RAD51B: variants seen among roughly 807,000 people sequenced by gnomAD.
The protein encoded by RAD51B is DNA repair protein RAD51 homolog 2.
A neutral mutation model predicts 42.2 loss-of-function variants in RAD51B; 38 were observed. That is an observed-to-expected ratio of 0.90 (90% CI 0.70 to 1.18). RAD51B has a LOEUF of 1.18. Among genes scored for constraint, RAD51B ranks in the 50% most tolerant of loss-of-function variants. The pLI is 0.00. For missense variants in RAD51B, 373 were observed against 400.7 expected, an observed-to-expected ratio of 0.93 and a Z score of 0.59; for synonymous variants, 154 against 145.2, an observed-to-expected ratio of 1.06 and a Z score of -0.43.
At position 68,385,549 on chromosome 14, in the gene RAD51B, A is replaced by G. The variant is rs187764577; in HGVS notation, c.854-25875A>G. Among the ~76,000 whole-genome samples, 10 of 152,332 alleles carry G rather than the reference A, an allele frequency of 6.6e-5. No homozygotes were observed. The East Asian group carries it at 7.7e-4, about 12-fold the overall frequency. On this transcript the variant is annotated intron_variant, in intron 8 of 10. Transcript: ENST00000471583. ...GAGGCCTAATTTGTCCCCCAAGACT[A>G]TACGAGAAGGGCAGTCTTACTTCTG...
intron 11 of RAD51B, among the ~76,000 whole-genome samples, chr14:68,669,700 T>C (rs895925831): frequency 6.6e-6 from 1 of 151,938 alleles, no homozygotes; most frequent in African/African-American, 2.4e-5. Flanking sequence ...ATCACATTTG[T>C]AGCAGAGCCC....
At chr14:68,638,672 A>G (rs1298571426) in intron 10 of RAD51B, among the ~76,000 whole-genome samples, 3 of 152,110 alleles carry the variant, frequency 2.0e-5, no homozygotes, top group African/African-American at 7.2e-5. Flanking sequence ...TTGTGCTCAG[A>G]GAGCTGACGG....
At chr14:68,560,767 A>G (rs1889105141) in intron 10 of RAD51B, among the ~76,000 whole-genome samples, 1 of 151,904 alleles carries the variant, frequency 6.6e-6, no homozygotes, top group Non-Finnish European at 1.5e-5. Context: ...AGAAGCACTG[A>G]CCTGGCCTCC....
In RAD51B at chr14:68,324,137, A is replaced by C. The variant is rs752007486; in HGVS notation, c.853+32157A>C. On this transcript the variant is annotated intron_variant, in intron 8 of 10. Transcript: ENST00000471583. ...AATTTATTTTATAAGTGCCTGGCATATTAATAAATGGTATGTAGTTTACTT... is the reference window on the plus strand; with the variant it reads ...AATTTATTTTATAAGTGCCTGGCATCTTAATAAATGGTATGTAGTTTACTT... 7.8e-4 allele frequency among the ~76,000 whole-genome samples: 119 copies of C among 152,366 alleles called. 1 individual carries two copies. The highest frequency in any genetic ancestry group is 3.4e-3 in the Middle Eastern group (1 of 294).
intron 7 of RAD51B, among the ~76,000 whole-genome samples, chr14:68,046,847 T>C (rs2076308262): frequency 2.6e-5 from 4 of 152,196 alleles, no homozygotes; most frequent in Admixed American, 2.6e-4. Flanking sequence ...TTTAAGCTCA[T>C]TGGATGAAGG....
chr14:68,215,771 C>T (rs2079802664), intron 7 of RAD51B, among the ~76,000 whole-genome samples: 1 of 152,184 alleles, frequency 6.6e-6, no homozygotes, highest in South Asian at 2.1e-4. Flanking sequence ...CCTGTAGCTG[C>T]TTCACTGGTT....
Position 68,661,706 on chromosome 14 carries a change from C to A in RAD51B, c.*11+10850C>A, listed in dbSNP as rs1892937258. 2.6e-5 allele frequency among the ~76,000 whole-genome samples: 4 copies of A among 152,212 alleles called. No homozygotes were observed. In the South Asian group the frequency reaches 8.3e-4, roughly 32 times the overall value. ...CAGGCATTGGAATTCAACAGAGATC[C>A]TTTGAGACAACACGCCCTCCTTTTC... is the stretch of plus-strand genomic sequence containing the variant. On this transcript the variant is annotated intron_variant, in intron 11 of 11. Coordinates refer to the RAD51B transcript ENST00000488612.
intron 8 of RAD51B, among the ~76,000 whole-genome samples, chr14:68,305,943 T>A (rs2081851319): frequency 6.6e-6 from 1 of 152,170 alleles, no homozygotes; most frequent in African/African-American, 2.4e-5. Flanking sequence ...TGAAGTAAAA[T>A]GCTGCTTGGT....
intron 9 of RAD51B, among the ~76,000 whole-genome samples, chr14:68,427,364 T>C (rs1030000107): frequency 1.3e-5 from 2 of 152,116 alleles, no homozygotes; most frequent in Admixed American, 1.3e-4. Flanking sequence ...GACTAACCCG[T>C]AAGAGCTGCT....
At chr14:67,980,352 G>A (rs1029281632) in intron 7 of RAD51B, among the ~76,000 whole-genome samples, 1 of 152,336 alleles carries the variant, frequency 6.6e-6, no homozygotes, top group East Asian at 1.9e-4. Flanking sequence ...GCTGAGGCAG[G>A]AGAATCTCTT....
At chr14:67,996,259 A>G (rs2140301521) in intron 7 of RAD51B, among the ~76,000 whole-genome samples, 1 of 151,706 alleles carries the variant, frequency 6.6e-6, no homozygotes, top group Non-Finnish European at 1.5e-5. Flanking sequence ...AGCTGGGTGT[A>G]ATGGTGTGCC....
At chr14:68,043,478 A>G (rs1468168352) in intron 7 of RAD51B, among the ~76,000 whole-genome samples, 4 of 152,180 alleles carry the variant, frequency 2.6e-5, no homozygotes, top group Admixed American at 6.5e-5. Flanking sequence ...GAGATTTACA[A>G]TTTTTAAGTA....
intron 8 of RAD51B, among the ~76,000 whole-genome samples, chr14:68,389,477 C>T (rs1433590010): frequency 6.6e-6 from 1 of 152,178 alleles, no homozygotes; most frequent in Non-Finnish European, 1.5e-5. Flanking sequence ...ATATAGATAG[C>T]TCCCAAGAAG....
chr14:68,325,367 G>C (rs1162546621), intron 8 of RAD51B, among the ~76,000 whole-genome samples: 1 of 152,106 alleles, frequency 6.6e-6, no homozygotes, highest in African/African-American at 2.4e-5. Context: ...AAGAAATTAA[G>C]TTTCTCTAGG....
chr14:68,008,836 C>G (rs1218355712), intron 7 of RAD51B, among the ~76,000 whole-genome samples: 1 of 151,644 alleles, frequency 6.6e-6, no homozygotes, highest in Non-Finnish European at 1.5e-5. Context: ...CACTAGTTCA[C>G]TTTACATCTG....
chr14:68,109,378 C>T (rs912960419), intron 7 of RAD51B, among the ~76,000 whole-genome samples: 6 of 151,882 alleles, frequency 4.0e-5, no homozygotes, highest in Non-Finnish European at 5.9e-5. Flanking sequence ...AACATGTTAT[C>T]GAAGTAGGTT....
chr14:68,591,862 G>A (rs1595006820), intron 10 of RAD51B, among the ~76,000 whole-genome samples: 1 of 152,110 alleles, frequency 6.6e-6, no homozygotes, highest in African/African-American at 2.4e-5. Context: ...ACCTGGATGG[G>A]CCTCACAGTC....
intron 7 of RAD51B, among the ~76,000 whole-genome samples, chr14:67,917,458 A>C (rs2044192089): frequency 6.6e-6 from 1 of 152,184 alleles, no homozygotes; most frequent in Non-Finnish European, 1.5e-5. Context: ...CACTAGCGTG[A>C]AGACAGCAGC....
At chr14:68,155,355 C>A (rs1468010267) in intron 7 of RAD51B, among the ~76,000 whole-genome samples, 4 of 151,936 alleles carry the variant, frequency 2.6e-5, no homozygotes, top group Non-Finnish European at 5.9e-5. Flanking sequence ...CCATGCCCAG[C>A]TAATTTTTTG....
Sources: gnomAD v4.1 joint callset for allele counts (sites outside exome capture counted in the v4.1 genomes callset) on GRCh38, gnomAD v4.1.1 for gene constraint, MANE v1.5 for transcripts, NCBI Gene and HGNC (gene_info 2026-07-23, HGNC 2026-07-21) for gene names.